Variants in ACVR1 observed in about 807,000 individuals in gnomAD.
ACVR1 encodes activin receptor type-1.
Under a neutral mutation model 57.1 loss-of-function variants are expected in ACVR1, and 38 were observed. The observed-to-expected ratio is 0.67, with a 90% CI of 0.51 to 0.87. The LOEUF is 0.87. Among genes scored for constraint, ACVR1 ranks in the 40% least tolerant of loss-of-function variants. The pLI, the probability that ACVR1 is intolerant of heterozygous loss-of-function variation, is 0.00. For synonymous variants in ACVR1, 212 were observed against 228.1 expected (o/e 0.93, Z 0.63); for missense variants, 463 against 638.2 (o/e 0.73, Z 2.96).
chr2:157,738,137 A>T (rs759141500), intron 10 of ACVR1, among the ~76,000 whole-genome samples: 1 of 152,228 alleles, frequency 6.6e-6, no homozygotes, highest in African/African-American at 2.4e-5. Flanking sequence ...CTTGGTTTAT[A>T]CATGCAGTCT....
At chr2:157,844,876 C>T (rs1689082497) in intron 1 of ACVR1, among the ~76,000 whole-genome samples, 1 of 152,150 alleles carries the variant, frequency 6.6e-6, no homozygotes, top group African/African-American at 2.4e-5. Context: ...CCCCCTTCCA[C>T]CATGTGAGAA....
At chr2:157,857,598 C>T (rs762488173) in intron 1 of ACVR1, among the ~76,000 whole-genome samples, 2 of 152,110 alleles carry the variant, frequency 1.3e-5, no homozygotes, top group African/African-American at 2.4e-5. Context: ...GCCCTGCCTC[C>T]GTACAAGGTT....
chr2:157,814,094 C>T (rs903279186), intron 2 of ACVR1, among the ~76,000 whole-genome samples: 2 of 152,182 alleles, frequency 1.3e-5, no homozygotes, highest in African/African-American at 2.4e-5. Flanking sequence ...AGTTCTCATA[C>T]ACAAGAGGCA....
At chr2:157,847,457 C>T (rs986395570) in intron 1 of ACVR1, among the ~76,000 whole-genome samples, 7 of 152,136 alleles carry the variant, frequency 4.6e-5, no homozygotes, top group African/African-American at 1.7e-4. Context: ...ACAGAGAGTC[C>T]ATTTTAAAAG....
intron 1 of ACVR1, among the ~76,000 whole-genome samples, chr2:157,858,732 C>G (rs1689624344): frequency 6.6e-6 from 1 of 152,204 alleles, no homozygotes; most frequent in African/African-American, 2.4e-5. Context: ...ATCCGCCAGC[C>G]TCAGCCTCCC....
chr2:157,783,354 A>G (rs565172363), intron 3 of ACVR1, among the ~76,000 whole-genome samples: 7 of 152,214 alleles, frequency 4.6e-5, no homozygotes, highest in Non-Finnish European at 8.8e-5. Flanking sequence ...CGTTTGGACT[A>G]TAACCTAAAG....
rs572218767 is a variant in ACVR1 at position 157,832,458 on chromosome 2, C to A, written c.-182-13899G>T. On this transcript the variant is annotated intron_variant, in intron 1 of 10. Transcript: ENST00000434821. ...AATCCTCTTTGGGATTCCAGTGATGCTTTGCAGTAGGGGTGATATGGGGTG... is the reference window on the plus strand; with the variant it reads ...AATCCTCTTTGGGATTCCAGTGATGATTTGCAGTAGGGGTGATATGGGGTG... Among the ~76,000 whole-genome samples the A allele has an allele frequency of 2.6e-5, 4 of 152,240 alleles. No homozygotes were observed. The South Asian group carries it at 8.3e-4, about 32-fold the overall frequency.
intron 7 of ACVR1, among the ~76,000 whole-genome samples, chr2:157,769,373 G>A (rs1685992370): frequency 1.3e-5 from 2 of 152,206 alleles, no homozygotes; most frequent in African/African-American, 4.8e-5. Context: ...ATTGGAAAGG[G>A]AAAGCTGACA....
At chr2:157,793,479 G>T (rs954113855) in intron 3 of ACVR1, among the ~76,000 whole-genome samples, 1 of 152,154 alleles carries the variant, frequency 6.6e-6, no homozygotes, top group African/African-American at 2.4e-5. Flanking sequence ...ACTAGTATAG[G>T]ATCATTTTGT....
At chr2:157,782,764 T>C (rs1686572484) in intron 3 of ACVR1, among the ~76,000 whole-genome samples, 3 of 152,160 alleles carry the variant, frequency 2.0e-5, no homozygotes, top group African/African-American at 7.2e-5. Flanking sequence ...TGGCAGAGAA[T>C]TGAAAAGACT....
At chr2:157,788,786 G>A (rs1173833624) in intron 3 of ACVR1, among the ~76,000 whole-genome samples, 1 of 151,958 alleles carries the variant, frequency 6.6e-6, no homozygotes, top group East Asian at 1.9e-4. Flanking sequence ...TGAAGCCAAA[G>A]CGATTTTAAA....
At chr2:157,865,099 G>GAAAAAAAA (rs59833492) in intron 1 of ACVR1, among the ~76,000 whole-genome samples, 2 of 113,878 alleles carry the variant, frequency 1.8e-5, no homozygotes, top group Admixed American at 9.0e-5. Flanking sequence ...ACTTACACAG[G>GAAAAAAAA]AAAAAAAAAA....
At chr2:157,857,591 C>T (rs574636845) in intron 1 of ACVR1, among the ~76,000 whole-genome samples, 1 of 152,122 alleles carries the variant, frequency 6.6e-6, no homozygotes, top group Non-Finnish European at 1.5e-5. Flanking sequence ...ATTTTCTGCC[C>T]TGCCTCCGTA....
intron 1 of ACVR1, among the ~76,000 whole-genome samples, chr2:157,825,454 G>T (rs558957985): frequency 9.2e-5 from 14 of 152,254 alleles, no homozygotes; most frequent in African/African-American, 2.9e-4. Context: ...TCCATGGCCT[G>T]TTAGGAACCC....
At chr2:157,766,607 G>A (rs1447812744) in intron 7 of ACVR1, among the ~76,000 whole-genome samples, 1 of 152,146 alleles carries the variant, frequency 6.6e-6, no homozygotes, top group Non-Finnish European at 1.5e-5. Context: ...TCCTGACTCT[G>A]CCTGTGATTT....
chr2:157,801,417 T>C (rs985910781), intron 2 of ACVR1, among the ~76,000 whole-genome samples: 4 of 152,216 alleles, frequency 2.6e-5, no homozygotes, highest in African/African-American at 9.6e-5. Context: ...ATTGCACATA[T>C]TATTAATGCA....
At chr2:157,833,074 C>T (rs570007824) in intron 1 of ACVR1, among the ~76,000 whole-genome samples, 3 of 152,198 alleles carry the variant, frequency 2.0e-5, no homozygotes, top group Non-Finnish European at 4.4e-5. Context: ...ATATATAAGC[C>T]TTTTGTCACA....
chr2:157,799,605 AAT>A, intron 2 of ACVR1, 105 bp from the exon 3 acceptor site: 1 of 816,530 alleles, frequency 1.2e-6, no homozygotes, highest in South Asian at 1.4e-5. Context: ...CCTTCTTACT[AAT>A]CACCCTCAGA....
chr2:157,817,599 T>C (rs968675428), intron 2 of ACVR1, among the ~76,000 whole-genome samples: 2 of 152,074 alleles, frequency 1.3e-5, no homozygotes, highest in African/African-American at 2.4e-5. Flanking sequence ...GTGTGGGATA[T>C]TGACAGTAGG....
Sources: allele counts gnomAD v4.1 joint callset (sites outside exome capture counted in the v4.1 genomes callset), GRCh38; gene constraint gnomAD v4.1.1; transcripts MANE v1.5; gene names NCBI Gene and HGNC (gene_info 2026-07-23, HGNC 2026-07-21).